Variants in MZT2A observed in about 807,000 individuals in gnomAD.
The protein encoded by MZT2A is mitotic spindle organizing protein 2A.
Under a neutral mutation model 12.4 loss-of-function variants are expected in MZT2A, and 8 were observed. That is an observed-to-expected ratio of 0.64 (90% CI 0.38 to 1.16). The LOEUF is 1.16. Among genes scored for constraint, MZT2A ranks in the 50% most tolerant of loss-of-function variants. MZT2A has a pLI of 0.01. For missense variants in MZT2A, 181 were observed against 223.6 expected, an observed-to-expected ratio of 0.81 and a Z score of 1.22; for synonymous variants, 88 against 107.5, an observed-to-expected ratio of 0.82 and a Z score of 1.12.
At chr2:131,491,828 G>C (rs1421573994) in intron 2 of MZT2A, 48 bp downstream of exon 2, 1 of 1,315,806 alleles carries the variant, frequency 7.6e-7, no homozygotes. Flanking sequence ...CCCCCTCCCC[G>C]CCCGCCACCC....
At chr2:131,472,655 G>T (rs1429770169) in intron 2 of MZT2A, among the ~76,000 whole-genome samples, 1 of 152,178 alleles carries the variant, frequency 6.6e-6, no homozygotes, top group Non-Finnish European at 1.5e-5. Context: ...TGCTGTACAG[G>T]TCTGTAGCCA....
chr2:131,475,961 C>A, intron 2 of MZT2A: 1 of 730,674 alleles, frequency 1.4e-6, no homozygotes, highest in African/African-American at 1.8e-5. Context: ...CGCTGCCTTC[C>A]CGCCAATCCT....
upstream of MZT2A, chr2:131,492,423 G>A: frequency 1.7e-6 from 2 of 1,210,430 alleles, no homozygotes; most frequent in Non-Finnish European, 2.0e-6. Flanking sequence ...GCGCCCCCTA[G>A]CGGATGCGCC....
In MZT2A at chr2:131,484,186, C is replaced by T. The variant is rs762132283; in HGVS notation, c.352G>A (p.Val118Ile). Residue 118 changes from valine (V) to isoleucine (I), a missense_variant, in exon 3 of 3, where the codon GTA (valine) becomes ATA (isoleucine). Physicochemically the swap from Val to Ile is conservative, Grantham distance 29. Transcript: ENST00000309451. ...TTGCTGCGTTCCGCCAGGGCCAATA[C>T]TCCCCCGAGGGCAGCGCTGCCTTTG... ...RDKGSAALGG[V>I]LALAERSNHE... 1.2e-6 allele frequency: 2 copies of T among 1,614,110 alleles called. No homozygotes were observed. The highest frequency in any genetic ancestry group is 1.7e-6 in the Non-Finnish European group (2 of 1,179,964).
chr2:131,490,113 T>A, intron 2 of MZT2A: 1 of 703,648 alleles, frequency 1.4e-6, no homozygotes, highest in South Asian at 6.5e-5. Context: ...GTGGCCGCTG[T>A]CAGGAGGCTC....
chr2:131,474,340 G>A (rs1255243665), intron 2 of MZT2A, among the ~76,000 whole-genome samples: 7 of 150,824 alleles, frequency 4.6e-5, no homozygotes, highest in Non-Finnish European at 5.9e-5. Context: ...CTCGTGATCC[G>A]CCTGCCTTGG....
At chr2:131,490,135 G>A (rs1015285482) in intron 2 of MZT2A, 70 of 675,822 alleles carry the variant, frequency 1.0e-4, no homozygotes, top group African/African-American at 4.9e-4. Flanking sequence ...TGCAGGAGGC[G>A]CGACCAAAGA....
rs566969639 is a variant in MZT2A, at chr2:131,474,724, C to T, written c.279-2542G>A. On this transcript the variant is annotated intron_variant and NMD_transcript_variant, in intron 2 of 4. Transcript: ENST00000427024. ...CACGCCTGACCCAATAAATAGCTTA[C>T]GTTATTTTCATATAAATTCCTCAGG... Among the ~76,000 whole-genome samples the T allele has an allele frequency of 1.5e-4, 22 of 150,836 alleles. No homozygotes were observed. In the South Asian group the frequency reaches 3.7e-3, roughly 25 times the overall value.
chr2:131,492,686 A>G (rs1159808629), upstream of MZT2A: 3 of 1,242,850 alleles, frequency 2.4e-6, no homozygotes, highest in African/African-American at 4.7e-5. Flanking sequence ...CACCCAGCCC[A>G]GTGCCAGGCA....
chr2:131,474,383 C>T (rs1165591728), intron 2 of MZT2A, among the ~76,000 whole-genome samples: 1 of 149,262 alleles, frequency 6.7e-6, no homozygotes, highest in East Asian at 2.0e-4. Flanking sequence ...AGGCATGAGC[C>T]ACCGCGCCCA....
chr2:131,490,693 G>T (rs763857312), intron 2 of MZT2A: 8 of 1,549,464 alleles, frequency 5.2e-6, no homozygotes, highest in African/African-American at 1.4e-5. Flanking sequence ...AACCCCCAGA[G>T]ATAAGCCAAT....
chr2:131,471,150 A>G (rs2463345), intron 3 of MZT2A, among the ~76,000 whole-genome samples: 1,959 of 134,728 alleles, frequency 0.015, 244 homozygotes, highest in African/African-American at 0.046. Context: ...ACATGGGGAG[A>G]AAAGGCCTCC....
downstream of MZT2A, chr2:131,483,895 G>A (rs71428590): frequency 6.8e-3 from 9,349 of 1,373,196 alleles, 85 homozygotes; most frequent in Middle Eastern, 0.034. Context: ...AACCAGGACC[G>A]GCACAGAAAC....
chr2:131,490,510 C>G, intron 2 of MZT2A: 2 of 1,433,500 alleles, frequency 1.4e-6, no homozygotes, highest in Non-Finnish European at 1.8e-6. Context: ...GATGCCAGCC[C>G]GACTGTGGGG....
At chr2:131,492,632 C>T, upstream of MZT2A, 2 of 1,222,270 alleles carry the variant, frequency 1.6e-6, no homozygotes, top group Non-Finnish European at 2.1e-6. Context: ...GCGGTCAGGG[C>T]GTCCCTGATA....
chr2:131,487,169 A>G (rs1679083737), intron 2 of MZT2A, among the ~76,000 whole-genome samples: 2 of 152,152 alleles, frequency 1.3e-5, no homozygotes, highest in Admixed American at 6.5e-5. Flanking sequence ...ACAGTCAATG[A>G]CCACTGAATG....
At chr2:131,492,925 C>G, upstream of MZT2A, 1 of 1,521,670 alleles carries the variant, frequency 6.6e-7, no homozygotes, top group Non-Finnish European at 8.9e-7. Context: ...TCCCTCCCCC[C>G]GCACTCCTGC....
At chr2:131,476,669 C>A (rs1678683720) in intron 2 of MZT2A, among the ~76,000 whole-genome samples, 1 of 152,162 alleles carries the variant, frequency 6.6e-6, no homozygotes, top group African/African-American at 2.4e-5. Flanking sequence ...CGCGGCGGCT[C>A]ACGCCTGGAA....
At chr2:131,476,270 G>A (rs1678664289) in intron 2 of MZT2A, 1 of 1,611,596 alleles carries the variant, frequency 6.2e-7, no homozygotes, top group East Asian at 2.2e-5. Context: ...GTGGACAGAG[G>A]GACGTTGTTG....
Sources: gnomAD v4.1 joint callset for allele counts (sites outside exome capture counted in the v4.1 genomes callset) on GRCh38, gnomAD v4.1.1 for gene constraint, MANE v1.5 for transcripts, NCBI Gene and HGNC (gene_info 2026-07-23, HGNC 2026-07-21) for gene names.